ABCB10: variants seen among roughly 807,000 people sequenced by gnomAD.
ABCB10 encodes the protein ATP binding cassette subfamily B member 10.
A neutral mutation model predicts 65.4 loss-of-function variants in ABCB10; 54 were observed. The observed-to-expected ratio is 0.83, with a 90% CI of 0.66 to 1.04. ABCB10 has a LOEUF of 1.04. ABCB10 is among the 50% of genes least tolerant of loss of function. ABCB10 has a pLI of 0.00. For synonymous variants in ABCB10, 418 were observed against 406.5 expected (o/e 1.03, Z -0.34); for missense variants, 846 against 976.6 (o/e 0.87, Z 1.78).
At chr1:229,549,961 A>G (rs1030255416) in intron 1 of ABCB10, 11 of 153,972 alleles carry the variant, frequency 7.1e-5, no homozygotes, top group Admixed American at 3.8e-4. Context: ...GAAGCTACGC[A>G]GGGCGAGGCC....
chr1:229,534,898 A>G (rs1485931437), intron 6 of ABCB10, among the ~76,000 whole-genome samples: 1 of 142,180 alleles, frequency 7.0e-6, no homozygotes, highest in African/African-American at 2.6e-5. Flanking sequence ...AAAAAGGCCA[A>G]GCATGGTGGC....
In ABCB10 at chr1:229,558,571, A is replaced by T; in HGVS notation, c.82T>A (p.Cys28Ser). Residue 28 changes from cysteine (C) to serine (S), a missense_variant, in exon 1 of 13, where the codon TGC becomes AGC. By Grantham distance (112) the Cys-to-Ser change is moderately radical. Around this residue, in one of 2 missense-constraint regions of ABCB10, gnomAD observed 214 missense variants for 173.5 expected, o/e 1.23. Coordinates refer to ENST00000344517, the MANE Select transcript of ABCB10 (RefSeq NM_012089.3). ...AEPGRLLPVA[C>S]VWAAASRVPG... Reference sequence around the variant, plus strand: ...ACGCGGCTGGCCGCGGCCCACACGCAGGCTACCGGCAGGAGCCGACCTGGC... The same window carrying T: ...ACGCGGCTGGCCGCGGCCCACACGCTGGCTACCGGCAGGAGCCGACCTGGC... The T allele has an allele frequency of 6.9e-7, 1 of 1,444,962 alleles. No homozygotes were observed. The highest frequency in any genetic ancestry group is 9.1e-7 in the Non-Finnish European group (1 of 1,101,050). 89.5% of individuals were successfully genotyped at this position (1,444,962 alleles called of 1,614,324 possible).
chr1:229,528,904 G>T (rs1662504549), intron 8 of ABCB10, among the ~76,000 whole-genome samples: 1 of 152,044 alleles, frequency 6.6e-6, no homozygotes, highest in South Asian at 2.1e-4. Context: ...CTACTACAGG[G>T]AAGATAGAAG....
At position 229,553,710 on chromosome 1, in the gene ABCB10, C is replaced by T. The variant is rs545875978; in HGVS notation, c.518-4276G>A. Among the ~76,000 whole-genome samples the T allele has an allele frequency of 2.1e-4, 32 of 151,214 alleles. No individual in the cohort carries two copies. In the South Asian group the frequency reaches 6.1e-3, roughly 29 times the overall value. Reference sequence around the variant, plus strand: ...GAGGTTGAGTTGGTCAGCATTGGGTCGGAACCCTGACGAACTCAACCTCAG... The same window carrying T: ...GAGGTTGAGTTGGTCAGCATTGGGTTGGAACCCTGACGAACTCAACCTCAG... On this transcript the variant is annotated intron_variant, in intron 1 of 12. Transcript: ENST00000344517.
At chr1:229,525,628 C>T (rs185980333) in intron 10 of ABCB10, among the ~76,000 whole-genome samples, 1 of 152,254 alleles carries the variant, frequency 6.6e-6, no homozygotes, top group Non-Finnish European at 1.5e-5. Flanking sequence ...ATCACGAGGT[C>T]AGGAGATCAA....
chr1:229,526,165 CAT>C, intron 9 of ABCB10, 49 bp from the exon 10 acceptor site: 1 of 1,550,020 alleles, frequency 6.5e-7, no homozygotes, highest in Non-Finnish European at 8.8e-7. Context: ...AGACTTAAAA[CAT>C]GTCTAATAAA....
At position 229,517,307 on chromosome 1, in the gene ABCB10, A is replaced by G. The variant is rs1571952251; in HGVS notation, c.*872T>C. The G allele has an allele frequency of 6.6e-6, 1 of 152,242 alleles. No individual in the cohort carries two copies. The highest frequency in any genetic ancestry group is 1.9e-4 in the East Asian group (1 of 5,204). 9.4% of individuals were successfully genotyped at this position (152,242 alleles called of 1,614,324 possible). The stretch of plus-strand genomic sequence containing the variant: ...GCCTTATTAATGAAATTCCAAAAGT[A>G]TTATAAAATAAGATTCAATTTGTCT... On this transcript the variant is annotated 3_prime_UTR_variant, in exon 13 of 13. Coordinates refer to ENST00000344517, the MANE Select transcript of ABCB10 (RefSeq NM_012089.3).
intron 1 of ABCB10, among the ~76,000 whole-genome samples, chr1:229,553,685 G>A (rs1049947241): frequency 1.3e-5 from 2 of 151,274 alleles, no homozygotes; most frequent in Non-Finnish European, 3.0e-5. Flanking sequence ...GGGCCGTTTT[G>A]AGGTTGAGTT....
rs1415041288 is a variant in ABCB10 at position 229,518,232 on chromosome 1, G to T, written c.2164C>A (p.Pro722Thr). Reference protein sequence around the residue: ...YGKHEELLSKPNGIYRKLMNK... With the variant: ...YGKHEELLSKTNGIYRKLMNK... ...ATTAGTTTTCTGTATATCCCATTTG[G>T]TTTTGAAAGCAGCTCTTCATGTTTT... Residue 722 changes from proline (P) to threonine (T), a missense_variant, in exon 13 of 13, where the codon CCA (proline) becomes ACA (threonine). Around this residue, in one of 2 missense-constraint regions of ABCB10, gnomAD observed 632 missense variants for 803.2 expected, o/e 0.79. Coordinates refer to ENST00000344517, the MANE Select transcript of ABCB10 (RefSeq NM_012089.3). The T allele has an allele frequency of 1.9e-6, 3 of 1,614,036 alleles. No individual in the cohort carries two copies. The highest frequency in any genetic ancestry group is 1.7e-6 in the Non-Finnish European group (2 of 1,180,016).
chr1:229,539,737 T>TA, intron 5 of ABCB10, 146 bp from the exon 6 acceptor site: 1 of 952,978 alleles, frequency 1.0e-6, no homozygotes, highest in Non-Finnish European at 1.5e-6. Flanking sequence ...AGTTTCAAAT[T>TA]AAAAATGGTT....
intron 10 of ABCB10, among the ~76,000 whole-genome samples, chr1:229,522,126 T>C (rs1362149575): frequency 1.3e-5 from 2 of 152,226 alleles, no homozygotes; most frequent in African/African-American, 4.8e-5. Context: ...CCCAAAGTGC[T>C]GGGATTATAG....
intron 8 of ABCB10, among the ~76,000 whole-genome samples, chr1:229,529,344 G>C (rs1427606597): frequency 6.7e-5 from 7 of 104,794 alleles, no homozygotes; most frequent in Non-Finnish European, 9.5e-5. Flanking sequence ...ATCCCTACTA[G>C]GTCAAAATAG....
At position 229,517,080 on chromosome 1, in the gene ABCB10, T is replaced by C. The variant is rs1662193468; in HGVS notation, c.*1099A>G. ...AAATTAACAGCACTGATACAAAATA[T>C]GGCAAATTCAATGGTTGTAGCATTG... On this transcript the variant is annotated 3_prime_UTR_variant, in exon 13 of 13. Coordinates refer to ENST00000344517, the MANE Select transcript of ABCB10 (RefSeq NM_012089.3). 1 of 152,292 alleles carries C rather than the reference T, an allele frequency of 6.6e-6. No individual in the cohort carries two copies. The highest frequency in any genetic ancestry group is 1.9e-4 in the East Asian group (1 of 5,188). 9.4% of individuals were successfully genotyped at this position (152,292 alleles called of 1,614,324 possible). A position where few individuals can be genotyped will look rare whatever the true frequency, so the allele number is the denominator to read the frequency against.
chr1:229,523,525 G>A (rs1007366263), intron 10 of ABCB10, among the ~76,000 whole-genome samples: 9 of 152,186 alleles, frequency 5.9e-5, no homozygotes, highest in Non-Finnish European at 1.3e-4. Context: ...AAGGAGGGCA[G>A]TGAGGAAAAC....
chr1:229,534,101 A>G (rs957973868), intron 6 of ABCB10, among the ~76,000 whole-genome samples: 1 of 152,252 alleles, frequency 6.6e-6, no homozygotes, highest in Non-Finnish European at 1.5e-5. Flanking sequence ...GACTTACTTA[A>G]AAATGGTCAA....
At chr1:229,539,064 C>A (rs1662783584) in intron 6 of ABCB10, among the ~76,000 whole-genome samples, 1 of 152,228 alleles carries the variant, frequency 6.6e-6, no homozygotes, top group South Asian at 2.1e-4. Context: ...TTATTCTCCA[C>A]TGATTTGCCA....
rs568928365 is a variant in ABCB10, at chr1:229,542,671, C to T, written c.922-300G>A. Among the ~76,000 whole-genome samples the T allele has an allele frequency of 7.3e-5, 11 of 151,100 alleles. No individual in the cohort carries two copies. The South Asian group carries it at 1.7e-3, about 23-fold the overall frequency. ...TACTAGATCAGACCACGCGGTTTAACAACAGAGTGGGAAGAGACAGGATGG... is the reference window on the plus strand; with the variant it reads ...TACTAGATCAGACCACGCGGTTTAATAACAGAGTGGGAAGAGACAGGATGG... On this transcript the variant is annotated intron_variant, in intron 3 of 12. Coordinates refer to ENST00000344517, the MANE Select transcript of ABCB10 (RefSeq NM_012089.3).
rs369059725 is a variant in ABCB10, at chr1:229,539,514, G to C, written c.1281C>G (p.Thr427=). Reference sequence around the variant, plus strand: ...TTAGGAAGGAAGAGAGTTCACCCACGGTCATGTGGGCACTGCCCATCAGCA... The same window carrying C: ...TTAGGAAGGAAGAGAGTTCACCCACCGTCATGTGGGCACTGCCCATCAGCA... ...GGLLMGSAHM[T]VGELSSFLMY... is the part of the protein sequence containing the mutation. The change falls in exon 6 of 13, where the codon ACC becomes ACG. Residue 427 remains threonine (T), a synonymous_variant. Coordinates refer to ENST00000344517, the MANE Select transcript of ABCB10 (RefSeq NM_012089.3). 6.2e-7 allele frequency: 1 copy of C among 1,613,918 alleles called. No individual in the cohort carries two copies. The highest frequency in any genetic ancestry group is 8.5e-7 in the Non-Finnish European group (1 of 1,179,852).
At chr1:229,525,550 A>C (rs928433667) in intron 10 of ABCB10, among the ~76,000 whole-genome samples, 2 of 152,158 alleles carry the variant, frequency 1.3e-5, no homozygotes, top group Non-Finnish European at 2.9e-5. Context: ...TGCAATATAG[A>C]AACATGTGGG....
Sources: allele counts gnomAD v4.1 joint callset (sites outside exome capture counted in the v4.1 genomes callset), GRCh38; gene constraint gnomAD v4.1.1; regional missense constraint gnomAD v4.1.1; transcripts MANE v1.5; gene names NCBI Gene and HGNC (gene_info 2026-07-23, HGNC 2026-07-21).